SEM1: variants seen among roughly 807,000 people sequenced by gnomAD.
SEM1 encodes 26S proteasome complex subunit SEM1.
A neutral mutation model predicts 12.7 loss-of-function variants in SEM1; 3 were observed. That is an observed-to-expected ratio of 0.24 (90% CI 0.11 to 0.61). SEM1 has a LOEUF of 0.61. SEM1 is among the 20% of genes least tolerant of loss of function. SEM1 has a pLI of 0.88. For synonymous variants in SEM1, 30 were observed against 27.8 expected (o/e 1.08, Z -0.25); for missense variants, 59 against 81.3 (o/e 0.73, Z 1.06).
chr7:96,625,856 T>C (rs1808044677), intron 2 of SEM1, among the ~76,000 whole-genome samples: 2 of 152,184 alleles, frequency 1.3e-5, no homozygotes, highest in African/African-American at 4.8e-5. Context: ...CTGGTCATCA[T>C]AATTTTTTTA....
intron 2 of SEM1, among the ~76,000 whole-genome samples, chr7:96,624,806 G>A (rs1389325934): frequency 6.6e-6 from 1 of 152,104 alleles, no homozygotes; most frequent in African/African-American, 2.4e-5. Flanking sequence ...TAGGTCACAT[G>A]AGCACAGGAC....
intron 2 of SEM1, among the ~76,000 whole-genome samples, chr7:96,677,294 CTTG>C (rs937288489): frequency 6.6e-6 from 1 of 152,116 alleles, no homozygotes; most frequent in Non-Finnish European, 1.5e-5. Context: ...CGACATCAAG[CTTG>C]TTAAGGTAAC....
At chr7:96,587,049 C>G (rs528305330) in intron 2 of SEM1, among the ~76,000 whole-genome samples, 3 of 151,662 alleles carry the variant, frequency 2.0e-5, no homozygotes, top group Admixed American at 2.0e-4. Flanking sequence ...CAGCTTCATC[C>G]ACTCATACAA....
At chr7:96,641,956 G>A (rs1251190174) in intron 2 of SEM1, among the ~76,000 whole-genome samples, 2 of 151,896 alleles carry the variant, frequency 1.3e-5, no homozygotes, top group Admixed American at 6.6e-5. Context: ...AGAAAGCATT[G>A]ACGGAAATAA....
In SEM1 at chr7:96,504,103, C is replaced by T. The variant is rs139330043; in HGVS notation, c.*60+2520G>A. Among the ~76,000 whole-genome samples the T allele has an allele frequency of 1.3e-3, 195 of 152,198 alleles. 1 individual carries two copies. Among genetic ancestry groups the T allele is most frequent in the African/African-American group, 4.3e-3 (178 of 41,532 alleles). ...TTTGCACTTTCTTTTTAGAAATATG[C>T]GCATATGGAGAATATCTTGAGTACA... On this transcript the variant is annotated intron_variant and NMD_transcript_variant, in intron 3 of 3. Coordinates refer to the SEM1 transcript ENST00000466986.
chr7:96,630,392 C>A (rs919212528), intron 2 of SEM1, among the ~76,000 whole-genome samples: 7 of 152,156 alleles, frequency 4.6e-5, no homozygotes, highest in African/African-American at 9.7e-5. Flanking sequence ...CAGAGAGGAG[C>A]CTCACCCTGT....
chr7:96,621,573 C>T (rs1040762306), downstream of SEM1: 4 of 152,178 alleles, frequency 2.6e-5, no homozygotes, highest in African/African-American at 7.2e-5. Flanking sequence ...TAATATCACC[C>T]TCTTTTCTAT....
At chr7:96,651,140 T>G (rs1279854758) in intron 2 of SEM1, among the ~76,000 whole-genome samples, 1 of 152,132 alleles carries the variant, frequency 6.6e-6, no homozygotes, top group African/African-American at 2.4e-5. Context: ...TGCCATAAAT[T>G]CCCTAAACTT....
At chr7:96,709,549 C>T (rs1022601561) in intron 1 of SEM1, 139 bp downstream of exon 1, 5 of 765,556 alleles carry the variant, frequency 6.5e-6, no homozygotes, top group Non-Finnish European at 1.1e-5. Context: ...GAGGGGTGAG[C>T]GTTAGCGCCT....
intron 2 of SEM1, among the ~76,000 whole-genome samples, chr7:96,632,297 A>G (rs1808286932): frequency 6.6e-6 from 1 of 152,206 alleles, no homozygotes; most frequent in Non-Finnish European, 1.5e-5. Flanking sequence ...AAGACTTGGA[A>G]CCAAGCAAAA....
intron 2 of SEM1, among the ~76,000 whole-genome samples, chr7:96,563,400 T>C (rs1169204660): frequency 2.6e-5 from 4 of 152,184 alleles, no homozygotes; most frequent in Middle Eastern, 3.4e-3. Flanking sequence ...AAAATGGTCA[T>C]GGCAAGTATT....
intron 2 of SEM1, among the ~76,000 whole-genome samples, chr7:96,611,708 C>A (rs1236389524): frequency 6.6e-6 from 1 of 152,170 alleles, no homozygotes; most frequent in Non-Finnish European, 1.5e-5. Flanking sequence ...ACTTTTGGGT[C>A]AGCCTAACAT....
At chr7:96,549,123 C>G (rs901184230) in intron 2 of SEM1, among the ~76,000 whole-genome samples, 1 of 152,138 alleles carries the variant, frequency 6.6e-6, no homozygotes, top group South Asian at 2.1e-4. Context: ...TCAAAATCTT[C>G]CTTGAGAATA....
rs148526649 is a variant in SEM1 at position 96,648,995 on chromosome 7, G to A, written c.171-26352C>T. 1.6e-3 allele frequency among the ~76,000 whole-genome samples: 248 copies of A among 152,326 alleles called. 2 individuals are homozygous for A. The highest frequency in any genetic ancestry group is 2.5e-3 in the Non-Finnish European group (168 of 68,024). On this transcript the variant is annotated intron_variant, in intron 2 of 2. Coordinates refer to the SEM1 transcript ENST00000417009. ...AGGAGGTGTGACGTCCAATAAGGTC[G>A]CTTTCTGCGACAGAGGTGGAGCCTC...
chr7:96,513,582 A>G (rs1803996432), intron 2 of SEM1, among the ~76,000 whole-genome samples: 2 of 152,224 alleles, frequency 1.3e-5, no homozygotes, highest in Admixed American at 1.3e-4. Context: ...TAATCCCAGC[A>G]TTTTAGGAGG....
chr7:96,537,158 C>G (rs1407698698), intron 2 of SEM1, among the ~76,000 whole-genome samples: 2 of 151,742 alleles, frequency 1.3e-5, no homozygotes, highest in Admixed American at 1.3e-4. Context: ...CACACCACCA[C>G]TAATGATTAG....
At chr7:96,552,411 A>G (rs994378103) in intron 2 of SEM1, among the ~76,000 whole-genome samples, 19 of 151,690 alleles carry the variant, frequency 1.3e-4, no homozygotes, top group African/African-American at 1.9e-4. Context: ...TCATTGTTCA[A>G]TTCCCACCTA....
intron 2 of SEM1, among the ~76,000 whole-genome samples, chr7:96,679,353 T>C (rs1417180572): frequency 6.6e-6 from 1 of 152,160 alleles, no homozygotes; most frequent in Non-Finnish European, 1.5e-5. Flanking sequence ...CATGGATTTC[T>C]ATACATAAAA....
chr7:96,679,196 T>C (rs560253037), intron 2 of SEM1, among the ~76,000 whole-genome samples: 13 of 152,196 alleles, frequency 8.5e-5, no homozygotes, highest in South Asian at 2.1e-4. Flanking sequence ...TAAACACACA[T>C]TGTCATCTCT....
Sources: gnomAD v4.1 joint callset for allele counts (sites outside exome capture counted in the v4.1 genomes callset) on GRCh38, gnomAD v4.1.1 for gene constraint, MANE v1.5 for transcripts, NCBI Gene and HGNC (gene_info 2026-07-23, HGNC 2026-07-21) for gene names.